The following ACOXL variants were observed in gnomAD, a reference collection of about 807,000 sequenced individuals.
ACOXL encodes the protein acyl-coenzyme A oxidase-like protein.
A neutral mutation model predicts 71.9 loss-of-function variants in ACOXL; 70 were observed. The observed-to-expected ratio is 0.97, with a 90% CI of 0.80 to 1.19. ACOXL has a LOEUF of 1.19. ACOXL is among the 50% of genes most tolerant of loss of function. The probability of loss-of-function intolerance (pLI) is 0.00; values close to 1 mark genes in which losing one functional copy is unlikely to be tolerated. For synonymous variants in ACOXL, 253 were observed against 281.6 expected (o/e 0.90, Z 1.02); for missense variants, 703 against 736.3 (o/e 0.95, Z 0.52).
At chr2:110,818,640 G>A (rs1316407528) in intron 9 of ACOXL, among the ~76,000 whole-genome samples, 7 of 151,804 alleles carry the variant, frequency 4.6e-5, no homozygotes, top group African/African-American at 1.7e-4. Context: ...CGGGGGATGG[G>A]GGAGATTTAG....
At chr2:110,755,045 C>G (rs1015658631) in intron 1 of ACOXL, among the ~76,000 whole-genome samples, 1 of 152,200 alleles carries the variant, frequency 6.6e-6, no homozygotes, top group African/African-American at 2.4e-5. Flanking sequence ...CTCTCTCTCT[C>G]TCTTTTAGCT....
intron 7 of ACOXL, among the ~76,000 whole-genome samples, chr2:110,799,339 TC>T (rs1271846012): frequency 6.6e-6 from 1 of 152,198 alleles, no homozygotes; most frequent in African/African-American, 2.4e-5. Context: ...TCTCAAATTT[TC>T]CAGTAATGAG....
intron 14 of ACOXL, among the ~76,000 whole-genome samples, chr2:111,008,619 A>G (rs1361175456): frequency 1.3e-5 from 2 of 152,216 alleles, no homozygotes; most frequent in African/African-American, 2.4e-5. Flanking sequence ...TTTGAATTAT[A>G]TCTTCAGGGT....
chr2:110,768,989 A>G (rs951930570), intron 2 of ACOXL, among the ~76,000 whole-genome samples: 3 of 151,566 alleles, frequency 2.0e-5, no homozygotes, highest in Non-Finnish European at 4.4e-5. Context: ...CTCGGCCCAC[A>G]CATTCACTTC....
At chr2:110,742,446 G>A (rs1222892290) in intron 1 of ACOXL, among the ~76,000 whole-genome samples, 1 of 152,084 alleles carries the variant, frequency 6.6e-6, no homozygotes, top group Non-Finnish European at 1.5e-5. Context: ...AAATTTTGGG[G>A]TGATATATTG....
chr2:110,846,638 C>A (rs547798363), intron 10 of ACOXL, among the ~76,000 whole-genome samples: 12 of 120,884 alleles, frequency 9.9e-5, no homozygotes, highest in African/African-American at 3.2e-4. Context: ...AGTATGCATA[C>A]ACGCACACAC....
chr2:110,771,044 T>C (rs938698402), intron 2 of ACOXL, among the ~76,000 whole-genome samples: 4 of 152,200 alleles, frequency 2.6e-5, no homozygotes, highest in East Asian at 1.9e-4. Flanking sequence ...TGATTAGATA[T>C]AATTCCTCCA....
At chr2:111,026,858 G>A (rs1436639881) in intron 14 of ACOXL, among the ~76,000 whole-genome samples, 3 of 152,110 alleles carry the variant, frequency 2.0e-5, no homozygotes, top group Non-Finnish European at 4.4e-5. Flanking sequence ...AGCAAGAGGA[G>A]GAATGTGCAG....
chr2:110,954,760 C>T (rs1432523516), intron 12 of ACOXL, among the ~76,000 whole-genome samples: 1 of 152,160 alleles, frequency 6.6e-6, no homozygotes, highest in Non-Finnish European at 1.5e-5. Context: ...ACAATTCCTT[C>T]TTGCATCTCT....
chr2:110,998,085 T>G (rs961238812), intron 14 of ACOXL, among the ~76,000 whole-genome samples: 1 of 152,066 alleles, frequency 6.6e-6, no homozygotes, highest in African/African-American at 2.4e-5. Flanking sequence ...TATTTTTTTT[T>G]TGGAAAAAAA....
chr2:111,051,898 C>G (rs940982864), intron 16 of ACOXL, among the ~76,000 whole-genome samples: 1 of 152,142 alleles, frequency 6.6e-6, no homozygotes, highest in African/African-American at 2.4e-5. Flanking sequence ...AAAAATGCAG[C>G]TTGTATGGCA....
At chr2:110,792,866 A>G (rs933380510) in intron 3 of ACOXL, among the ~76,000 whole-genome samples, 1 of 152,206 alleles carries the variant, frequency 6.6e-6, no homozygotes, top group Non-Finnish European at 1.5e-5. Context: ...CTCTCACTGA[A>G]TCCTCATGGT....
intron 10 of ACOXL, among the ~76,000 whole-genome samples, chr2:110,859,207 G>C (rs1435935710): frequency 6.6e-6 from 1 of 152,190 alleles, no homozygotes; most frequent in African/African-American, 2.4e-5. Flanking sequence ...AAAGAGAATG[G>C]ACTGATGATA....
At chr2:110,923,319 CTTT>C (rs796735467) in intron 11 of ACOXL, among the ~76,000 whole-genome samples, 2 of 151,502 alleles carry the variant, frequency 1.3e-5, no homozygotes, top group African/African-American at 4.8e-5. Context: ...TTTTCTTTTT[CTTT>C]TTTTTTCTCT....
intron 16 of ACOXL, among the ~76,000 whole-genome samples, chr2:111,075,260 T>C (rs2067542484): frequency 6.6e-6 from 1 of 152,106 alleles, no homozygotes; most frequent in Admixed American, 6.5e-5. Flanking sequence ...ATGAATTACA[T>C]TTTCTTAAAC....
chr2:110,853,566 G>T (rs1187880963), intron 10 of ACOXL, among the ~76,000 whole-genome samples: 3 of 152,184 alleles, frequency 2.0e-5, no homozygotes, highest in African/African-American at 7.2e-5. Context: ...TCTAAGCATA[G>T]AAATTAAATC....
intron 1 of ACOXL, among the ~76,000 whole-genome samples, chr2:110,756,879 T>G (rs1489552756): frequency 1.3e-5 from 2 of 152,164 alleles, no homozygotes; most frequent in Non-Finnish European, 2.9e-5. Flanking sequence ...ACGGGAGATT[T>G]GCCCCTTTTA....
intron 10 of ACOXL, among the ~76,000 whole-genome samples, chr2:110,847,272 C>T (rs1456515753): frequency 6.6e-6 from 1 of 152,134 alleles, no homozygotes; most frequent in East Asian, 1.9e-4. Flanking sequence ...GAAGGCTGCT[C>T]CCTCCTGGTG....
intron 16 of ACOXL, among the ~76,000 whole-genome samples, chr2:111,084,899 GAA>G (rs113297442): frequency 1.0e-3 from 117 of 112,902 alleles, no homozygotes; most frequent in Non-Finnish European, 1.5e-3. Context: ...TGGAAAACAG[GAA>G]AAAAAAAAAA....
Sources: gnomAD v4.1 joint callset for allele counts (sites outside exome capture counted in the v4.1 genomes callset) on GRCh38, gnomAD v4.1.1 for gene constraint, MANE v1.5 for transcripts, NCBI Gene and HGNC (gene_info 2026-07-23, HGNC 2026-07-21) for gene names.